TRPM3: variants seen among roughly 807,000 people sequenced by gnomAD.
TRPM3 encodes the protein long transient receptor potential channel 3.
A neutral mutation model predicts 181.2 loss-of-function variants in TRPM3; 77 were observed. That is an observed-to-expected ratio of 0.42 (90% CI 0.35 to 0.51). The LOEUF is 0.51. TRPM3 is among the 20% of genes least tolerant of loss of function. The pLI, the probability that TRPM3 is intolerant of heterozygous loss-of-function variation, is 0.01. For synonymous variants in TRPM3, 745 were observed against 796.4 expected (o/e 0.94, Z 1.09); for missense variants, 1,759 against 2,196.7 (o/e 0.80, Z 3.98).
intron 6 of TRPM3, among the ~76,000 whole-genome samples, chr9:70,803,749 C>A (rs556914069): frequency 6.6e-6 from 1 of 151,408 alleles, no homozygotes; most frequent in African/African-American, 2.4e-5. Context: ...CACGCCCGGC[C>A]GAGCTCCCCT....
Position 70,598,473 on chromosome 9 carries a change from G to T in TRPM3, c.2994C>A (p.Asp998Glu). 3 of 1,614,190 alleles carry T rather than the reference G, an allele frequency of 1.9e-6. No individual in the cohort carries two copies. The highest frequency in any genetic ancestry group is 2.5e-6 in the Non-Finnish European group (3 of 1,180,036). The change falls in exon 21 of 26, where the codon GAC (aspartate) becomes GAA (glutamate). Residue 998 changes from aspartate (D) to glutamate (E), a missense_variant. Asp to Glu is a conservative substitution (Grantham distance 45). Transcript: ENST00000677713. ...NIIYWYIRLL[D>E]IFGVNKYLGP... The stretch of plus-strand genomic sequence containing the variant: ...CCAAATACTTGTTCACGCCGAAGAT[G>T]TCTAGGAGACGGATATACCAGTAAA...
Position 70,532,472 on chromosome 9 carries a change from G to A in TRPM3, c.*3481C>T, listed in dbSNP as rs1462591773. 1.3e-5 allele frequency: 2 copies of A among 152,170 alleles called. No homozygotes were observed. The highest frequency in any genetic ancestry group is 2.4e-5 in the African/African-American group (1 of 41,430). 9.4% of individuals were successfully genotyped at this position (152,170 alleles called of 1,614,324 possible). On this transcript the variant is annotated 3_prime_UTR_variant, in exon 26 of 26. Transcript: ENST00000677713. ...TTCTGTAAAGTGCTGTATTCTGACT[G>A]CTAATACACCTTTTGGCTTGCAGAG...
chr9:70,536,597 G>A lies in TRPM3; in HGVS notation c.4516C>T (p.His1506Tyr), dbSNP rs2041821881. The A allele has an allele frequency of 6.2e-7, 1 of 1,613,978 alleles. No individual in the cohort carries two copies. Among genetic ancestry groups the A allele is most frequent in the Non-Finnish European group, 8.5e-7 (1 of 1,180,022 alleles). ...NPWDSEPPMY[H>Y]TIERSKSSRY... ...CTACTTTTGGAACGCTCAATGGTGT[G>A]GTACATCGGAGGCTCTGAGTCCCAG... Residue 1506 changes from histidine to tyrosine, a missense_variant, in exon 26 of 26, where the codon CAC becomes TAC. His to Tyr is a moderately conservative substitution (Grantham distance 83). This residue lies in a region of TRPM3 where 612 missense variants were observed against 590.0 expected (regional missense o/e 1.04). Coordinates refer to ENST00000677713, the MANE Select transcript of TRPM3 (RefSeq NM_001366145.2).
intron 9 of TRPM3, among the ~76,000 whole-genome samples, chr9:70,661,158 T>C (rs7853871): frequency 0.38 from 58,015 of 151,548 alleles, 11,518 homozygotes; most frequent in African/African-American, 0.49. Context: ...AAGTGTGATA[T>C]ATTACATAAA....
intron 1 of TRPM3, among the ~76,000 whole-genome samples, chr9:70,936,391 T>A (rs2096828691): frequency 6.6e-6 from 1 of 152,198 alleles, no homozygotes; most frequent in East Asian, 1.9e-4. Flanking sequence ...CTCTGCAAAA[T>A]TTTAGCTAAT....
intron 1 of TRPM3, among the ~76,000 whole-genome samples, chr9:71,267,574 A>G (rs1430069454): frequency 9.7e-6 from 1 of 103,036 alleles, no homozygotes; most frequent in African/African-American, 4.2e-5. Context: ...GACTCTACTT[A>G]TCTCTGTCAC....
At chr9:71,287,056 TTATATAATTTATATATTA>T (rs2085357673) in intron 1 of TRPM3, among the ~76,000 whole-genome samples, 1 of 142,926 alleles carries the variant, frequency 7.0e-6, no homozygotes, top group Non-Finnish European at 1.5e-5. Context: ...ATATACTATA[TTATATAATTTATATATTA>T]TATATAAATT....
intron 1 of TRPM3, among the ~76,000 whole-genome samples, chr9:71,101,554 T>G (rs2134059897): frequency 6.6e-6 from 1 of 152,242 alleles, no homozygotes; most frequent in Non-Finnish European, 1.5e-5. Flanking sequence ...TCAAACTCAG[T>G]TAAAGAACTC....
chr9:71,244,207 G>C (rs957853526), intron 1 of TRPM3, among the ~76,000 whole-genome samples: 1 of 152,136 alleles, frequency 6.6e-6, no homozygotes, highest in Non-Finnish European at 1.5e-5. Context: ...GCACATTCCC[G>C]TAGCAGCATG....
At chr9:71,359,025 T>C (rs2092025299) in intron 1 of TRPM3, among the ~76,000 whole-genome samples, 1 of 152,248 alleles carries the variant, frequency 6.6e-6, no homozygotes, top group South Asian at 2.1e-4. Context: ...CTTCTTTTGA[T>C]GATATAGTGC....
intron 9 of TRPM3, among the ~76,000 whole-genome samples, chr9:70,677,836 C>A (rs939490276): frequency 6.6e-6 from 1 of 152,066 alleles, no homozygotes; most frequent in South Asian, 2.1e-4. Flanking sequence ...CGCCCCCTTT[C>A]CACCCCTAAA....
At chr9:70,583,543 T>A (rs560876092) in intron 22 of TRPM3, among the ~76,000 whole-genome samples, 1 of 152,302 alleles carries the variant, frequency 6.6e-6, no homozygotes, top group East Asian at 1.9e-4. Context: ...TATTAGCAAG[T>A]CTGGAAAAGG....
intron 25 of TRPM3, among the ~76,000 whole-genome samples, chr9:70,542,405 C>T (rs1470232262): frequency 1.3e-5 from 2 of 152,134 alleles, no homozygotes; most frequent in African/African-American, 4.8e-5. Context: ...CTCCAGACCT[C>T]GAATGGCTCA....
chr9:70,777,850 T>C (rs982171670), intron 7 of TRPM3, among the ~76,000 whole-genome samples: 5 of 152,168 alleles, frequency 3.3e-5, no homozygotes, highest in Admixed American at 2.6e-4. Context: ...ATCAGTTCTA[T>C]CTTTAAGTCT....
intron 8 of TRPM3, among the ~76,000 whole-genome samples, chr9:70,700,202 T>G (rs1346938170): frequency 6.6e-6 from 1 of 152,144 alleles, no homozygotes; most frequent in African/African-American, 2.4e-5. Flanking sequence ...AGGCTGGTCT[T>G]GAACTCCTGA....
chr9:70,600,955 A>G (rs970418715), intron 20 of TRPM3, among the ~76,000 whole-genome samples: 1 of 152,162 alleles, frequency 6.6e-6, no homozygotes. Context: ...GTGAGGCAGA[A>G]GTGGAAAGTC....
intron 19 of TRPM3, among the ~76,000 whole-genome samples, chr9:70,606,795 T>C (rs988323019): frequency 1.3e-5 from 2 of 152,166 alleles, no homozygotes; most frequent in Non-Finnish European, 1.5e-5. Flanking sequence ...ATTCTTTCTA[T>C]GCATTTTCCA....
At chr9:71,138,609 G>A (rs538776804) in intron 1 of TRPM3, among the ~76,000 whole-genome samples, 234 of 151,658 alleles carry the variant, frequency 1.5e-3, no homozygotes, top group African/African-American at 5.3e-3. Flanking sequence ...TCTTTAAATG[G>A]GTGAACTTTA....
At chr9:71,256,449 G>A (rs1041160994) in intron 1 of TRPM3, among the ~76,000 whole-genome samples, 3 of 152,240 alleles carry the variant, frequency 2.0e-5, no homozygotes, top group East Asian at 1.9e-4. Flanking sequence ...GGTACATAAG[G>A]AGAATGATAC....
Sources: allele counts gnomAD v4.1 joint callset (sites outside exome capture counted in the v4.1 genomes callset), GRCh38; gene constraint gnomAD v4.1.1; regional missense constraint gnomAD v4.1.1; transcripts MANE v1.5; gene names NCBI Gene and HGNC (gene_info 2026-07-23, HGNC 2026-07-21).